The following SBNO1 variants were observed in gnomAD, a reference collection of about 807,000 sequenced individuals.
SBNO1 encodes the protein protein strawberry notch homolog 1.
SBNO1 carries 23 observed loss-of-function variants against 173.6 expected under a neutral mutation model. The ratio of observed to expected loss-of-function variants is 0.13; its 90% CI spans 0.10 to 0.19. SBNO1 has a LOEUF of 0.19. Ranked by LOEUF, SBNO1 falls within the 10% of genes least tolerant of loss-of-function variation. The probability of loss-of-function intolerance (pLI) is 1.00; values close to 1 mark genes in which losing one functional copy is unlikely to be tolerated. For synonymous variants in SBNO1, 632 were observed against 571.5 expected (o/e 1.11, Z -1.51); for missense variants, 1,238 against 1,671.2 (o/e 0.74, Z 4.52).
chr12:123,306,331 C>T (rs957513890), intron 28 of SBNO1, among the ~76,000 whole-genome samples: 1 of 152,166 alleles, frequency 6.6e-6, no homozygotes, highest in African/African-American at 2.4e-5. Flanking sequence ...GCAGCACAGG[C>T]TACACACACT....
Position 123,295,885 on chromosome 12 carries a change from C to T in SBNO1, c.*23G>A. 6.2e-7 allele frequency: 1 copy of T among 1,610,998 alleles called. No individual in the cohort carries two copies. Among genetic ancestry groups the T allele is most frequent in the Non-Finnish European group, 8.5e-7 (1 of 1,178,054 alleles). On this transcript the variant is annotated 3_prime_UTR_variant, in exon 32 of 32. Transcript: ENST00000602398. ...TGCTTCAACAGCATTTCAGATCCAT[C>T]CATGTTGAAACCTGTCTGTTCTTCA...
Position 123,309,505 on chromosome 12 carries a change from T to G in SBNO1, c.3521A>C (p.His1174Pro). 1 of 1,613,380 alleles carries G rather than the reference T, an allele frequency of 6.2e-7. No homozygotes were observed. The highest frequency in any genetic ancestry group is 8.5e-7 in the Non-Finnish European group (1 of 1,179,294). ...TAAACTTACTGTGTATAATTCTACG[T>G]GGCCAGAGGTTGAATATCCTGGAGT... ...FLTPGYSTSGHVELYTISVER... is the reference protein window; with the variant it reads ...FLTPGYSTSGPVELYTISVER... The change falls in exon 27 of 32, where the codon CAC (histidine) becomes CCC (proline). Residue 1174 changes from histidine to proline, a missense_variant. Physicochemically the swap from His to Pro is moderately conservative, Grantham distance 77. Transcript: ENST00000602398.
chr12:123,317,160 C>G (rs754427738), intron 21 of SBNO1, 61 bp downstream of exon 21: 3 of 1,589,220 alleles, frequency 1.9e-6, no homozygotes, highest in Non-Finnish European at 8.6e-7. Flanking sequence ...TTGGTATGCG[C>G]AAATTTACCC....
intron 28 of SBNO1, among the ~76,000 whole-genome samples, chr12:123,308,681 A>G (rs952224701): frequency 6.6e-6 from 1 of 152,010 alleles, no homozygotes; most frequent in African/African-American, 2.4e-5. Flanking sequence ...TCTCAAAAAA[A>G]AGTTAATTCA....
rs1476515029 is a variant in SBNO1, at chr12:123,320,527, G to A, written c.2572C>T (p.Leu858=). The A allele has an allele frequency of 1.2e-6, 2 of 1,614,100 alleles. No homozygotes were observed. The highest frequency in any genetic ancestry group is 1.7e-6 in the Non-Finnish European group (2 of 1,179,996). ...VERAQQMKKD[L]LDKLEKLAED... ...GCTAATTTTTCTAGCTTATCAAGCAGGTCTTTCTTCATCTGCTGAGCCCTT... is the reference window on the plus strand; with the variant it reads ...GCTAATTTTTCTAGCTTATCAAGCAAGTCTTTCTTCATCTGCTGAGCCCTT... The change falls in exon 19 of 32, where the codon CTG becomes TTG. Residue 858 remains leucine (L), a synonymous_variant. Coordinates refer to ENST00000602398, the MANE Select transcript of SBNO1 (RefSeq NM_001167856.3).
rs1376439304 is a variant in SBNO1, at chr12:123,328,644, T to C, written c.1296+90A>G. 13 of 1,073,330 alleles carry C rather than the reference T, an allele frequency of 1.2e-5. No individual in the cohort carries two copies. In the African/African-American group the frequency reaches 2.1e-4, roughly 17 times the overall value. The allele number at this position is 1,073,330 out of a possible 1,614,324, so 66.5% of individuals were successfully genotyped here. ...TAAAGTTTTCACTCCAGCAACTCGT[T>C]TAATCTCAAGATTCCTGTTTCCCAA... On this transcript the variant is annotated intron_variant, in intron 10 of 31. Transcript: ENST00000602398.
Position 123,337,670 on chromosome 12 carries a change from T to C in SBNO1, c.652-1179A>G, listed in dbSNP as rs547187019. 6.6e-5 allele frequency among the ~76,000 whole-genome samples: 10 copies of C among 152,294 alleles called. No homozygotes were observed. The East Asian group carries it at 1.9e-3, about 29-fold the overall frequency. ...CTAAAATAAAACTCAATTTCGGAAA[T>C]TCGAGACAAAACAGGACTGGCCAAA... On this transcript the variant is annotated intron_variant, in intron 5 of 31. Transcript: ENST00000602398.
In SBNO1 at chr12:123,345,251, G is replaced by T; in HGVS notation, c.550+7C>A. 6.2e-7 allele frequency: 1 copy of T among 1,609,118 alleles called. No homozygotes were observed. Among genetic ancestry groups the T allele is most frequent in the South Asian group, 1.1e-5 (1 of 90,870 alleles). Reference sequence around the variant, plus strand: ...GAGAAAGTTGATACTATTGAAAACAGACTTACTAGCTGCTGTTGCTACTGG... The same window carrying T: ...GAGAAAGTTGATACTATTGAAAACATACTTACTAGCTGCTGTTGCTACTGG... On this transcript the variant is annotated splice_region_variant and intron_variant, in intron 4 of 31. Coordinates refer to ENST00000602398, the MANE Select transcript of SBNO1 (RefSeq NM_001167856.3).
At chr12:123,351,819 T>C (rs2139079097) in intron 1 of SBNO1, among the ~76,000 whole-genome samples, 1 of 152,250 alleles carries the variant, frequency 6.6e-6, no homozygotes, top group African/African-American at 2.4e-5. Flanking sequence ...ATCCATCACA[T>C]TTAGCTTAAA....
intron 4 of SBNO1, among the ~76,000 whole-genome samples, chr12:123,343,107 C>T (rs1171574886): frequency 1.3e-5 from 2 of 152,100 alleles, no homozygotes; most frequent in Non-Finnish European, 2.9e-5. Context: ...GTGGCTCATG[C>T]CTGTAATCCC....
At chr12:123,335,147 C>T (rs772769358) in intron 6 of SBNO1, among the ~76,000 whole-genome samples, 33 of 152,092 alleles carry the variant, frequency 2.2e-4, no homozygotes, top group Non-Finnish European at 4.1e-4. Flanking sequence ...GCTAAGATTG[C>T]GCCACTGCCT....
chr12:123,327,871 T>C (rs1458592002), intron 11 of SBNO1, 21 bp downstream of exon 11: 2 of 1,586,022 alleles, frequency 1.3e-6, no homozygotes, highest in African/African-American at 2.7e-5. Context: ...AATATATATT[T>C]TTAAATAAAT....
intron 1 of SBNO1, among the ~76,000 whole-genome samples, chr12:123,354,362 T>C (rs190302834): frequency 3.3e-4 from 50 of 152,300 alleles, no homozygotes; most frequent in Admixed American, 5.2e-4. Context: ...AAAGACACTG[T>C]CTTTTACAAG....
At chr12:123,306,759 G>C (rs1230734522) in intron 28 of SBNO1, among the ~76,000 whole-genome samples, 1 of 152,010 alleles carries the variant, frequency 6.6e-6, no homozygotes. Context: ...CAACATCTTG[G>C]TTGTGATATT....
intron 1 of SBNO1, among the ~76,000 whole-genome samples, chr12:123,355,184 C>A (rs1215957274): frequency 6.6e-6 from 1 of 152,032 alleles, no homozygotes; most frequent in Non-Finnish European, 1.5e-5. Context: ...CCACACCCAG[C>A]TAATTTTTGT....
rs140741384 is a variant in SBNO1, at chr12:123,316,810, C to T, written c.2935+411G>A. Among the ~76,000 whole-genome samples the T allele has an allele frequency of 5.8e-3, 872 of 149,338 alleles. 10 individuals carry two copies. Among genetic ancestry groups the T allele is most frequent in the Middle Eastern group, 0.038 (11 of 288 alleles). ...CTGCGCCTCCCAGGTTCAAGCAATT[C>T]TCCCGTCTCAGCACCCTAAGTAGCT... is the stretch of plus-strand genomic sequence containing the variant. On this transcript the variant is annotated intron_variant, in intron 21 of 31. Coordinates refer to ENST00000602398, the MANE Select transcript of SBNO1 (RefSeq NM_001167856.3).
At chr12:123,338,558 C>T (rs987788507) in intron 5 of SBNO1, among the ~76,000 whole-genome samples, 2 of 151,772 alleles carry the variant, frequency 1.3e-5, no homozygotes, top group Non-Finnish European at 2.9e-5. Context: ...TAGTGGCGGG[C>T]GCCTGTAATC....
At chr12:123,310,392 C>T (rs1218514640) in intron 25 of SBNO1, among the ~76,000 whole-genome samples, 1 of 151,938 alleles carries the variant, frequency 6.6e-6, no homozygotes, top group Non-Finnish European at 1.5e-5. Flanking sequence ...CGCCACTATG[C>T]CTGGATAATT....
chr12:123,304,120 G>A (rs934850546), intron 29 of SBNO1, among the ~76,000 whole-genome samples: 3 of 152,054 alleles, frequency 2.0e-5, no homozygotes, highest in African/African-American at 4.8e-5. Context: ...TAGTAGAGAT[G>A]AGGTTTCGCC....
Sources: allele counts gnomAD v4.1 joint callset (sites outside exome capture counted in the v4.1 genomes callset), GRCh38; gene constraint gnomAD v4.1.1; transcripts MANE v1.5; gene names NCBI Gene and HGNC (gene_info 2026-07-23, HGNC 2026-07-21).